The following MAGI2 variants were observed in gnomAD, a reference collection of about 807,000 sequenced individuals.
MAGI2 encodes the protein membrane-associated guanylate kinase, WW and PDZ domain-containing protein 2.
In MAGI2, 35 loss-of-function variants were observed where a neutral mutation model predicts 133.3. The ratio of observed to expected loss-of-function variants is 0.26; its 90% CI spans 0.20 to 0.35. The LOEUF (loss-of-function observed/expected upper bound fraction) is 0.35. MAGI2 is among the 10% of genes least tolerant of loss of function. MAGI2 has a pLI of 1.00. For missense variants in MAGI2, 1,636 were observed against 1,863.4 expected (o/e 0.88, Z 2.25); for synonymous variants, 729 against 710.6 (o/e 1.03, Z -0.41).
At chr7:78,140,302 T>G (rs889640612) in intron 16 of MAGI2, among the ~76,000 whole-genome samples, 1 of 152,226 alleles carries the variant, frequency 6.6e-6, no homozygotes, top group African/African-American at 2.4e-5. Context: ...TCATTATTTG[T>G]CTTGCTATTT....
intron 2 of MAGI2, among the ~76,000 whole-genome samples, chr7:78,998,413 C>G (rs1353104304): frequency 6.6e-6 from 1 of 152,020 alleles, no homozygotes; most frequent in African/African-American, 2.4e-5. Flanking sequence ...CATTTTACTC[C>G]CCCCTCCCTC....
intron 10 of MAGI2, among the ~76,000 whole-genome samples, chr7:78,229,529 A>C (rs1019017527): frequency 6.6e-6 from 1 of 152,172 alleles, no homozygotes; most frequent in African/African-American, 2.4e-5. Flanking sequence ...GGCGAGCTTC[A>C]CGTCAAAAAG....
chr7:79,125,701 G>A, intron 1 of MAGI2: 1 of 528,058 alleles, frequency 1.9e-6, no homozygotes, highest in Non-Finnish European at 3.7e-6. Flanking sequence ...GGAAACTTTG[G>A]AGGCAGAAGC....
intron 6 of MAGI2, among the ~76,000 whole-genome samples, chr7:78,450,404 T>C (rs1269753736): frequency 2.6e-5 from 4 of 152,088 alleles, no homozygotes; most frequent in Admixed American, 6.6e-5. Flanking sequence ...GTTATTCATA[T>C]CTTGAAATTG....
At chr7:79,185,253 G>A (rs1278828599) in intron 1 of MAGI2, among the ~76,000 whole-genome samples, 1 of 151,834 alleles carries the variant, frequency 6.6e-6, no homozygotes, top group Non-Finnish European at 1.5e-5. Context: ...TCTTTCTAGG[G>A]AAATGAAATG....
At chr7:78,170,448 T>C (rs1826006844) in intron 14 of MAGI2, 1 of 152,262 alleles carries the variant, frequency 6.6e-6, no homozygotes, top group South Asian at 2.1e-4. Context: ...AGTACTCCCC[T>C]CATTAATTCA....
chr7:79,007,433 A>G, intron 1 of MAGI2, among the ~76,000 whole-genome samples: 1 of 152,112 alleles, frequency 6.6e-6, no homozygotes, highest in Non-Finnish European at 1.5e-5. Context: ...GTATTCCTAA[A>G]TTTATCCTTC....
chr7:79,203,849 T>G (rs1828819117), intron 1 of MAGI2, among the ~76,000 whole-genome samples: 1 of 152,046 alleles, frequency 6.6e-6, no homozygotes, highest in Admixed American at 6.5e-5. Flanking sequence ...GGAAGGGCAG[T>G]GCAAGGCCTC....
At chr7:78,970,783 A>C (rs572605212) in intron 2 of MAGI2, among the ~76,000 whole-genome samples, 6 of 152,212 alleles carry the variant, frequency 3.9e-5, no homozygotes, top group African/African-American at 1.4e-4. Context: ...AATGGTTAGC[A>C]AAGGATATAA....
intron 2 of MAGI2, among the ~76,000 whole-genome samples, chr7:78,988,229 C>T (rs1421133056): frequency 6.6e-6 from 1 of 151,972 alleles, no homozygotes; most frequent in East Asian, 1.9e-4. Flanking sequence ...TGGCCCCAGC[C>T]CAACTACAAA....
chr7:78,945,797 C>T (rs1584469457), intron 2 of MAGI2, among the ~76,000 whole-genome samples: 1 of 152,152 alleles, frequency 6.6e-6, no homozygotes, highest in Non-Finnish European at 1.5e-5. Flanking sequence ...ACACAGGATA[C>T]CTACTCCTTG....
intron 20 of MAGI2, among the ~76,000 whole-genome samples, chr7:78,118,592 A>G (rs1003841746): frequency 6.6e-6 from 1 of 152,264 alleles, no homozygotes; most frequent in African/African-American, 2.4e-5. Context: ...AGATTAGCAT[A>G]TGAAAAGATG....
intron 13 of MAGI2, among the ~76,000 whole-genome samples, chr7:78,180,567 G>A (rs1827092384): frequency 6.6e-6 from 1 of 152,150 alleles, no homozygotes; most frequent in African/African-American, 2.4e-5. Context: ...GAAGAACAGA[G>A]ACACGAATAA....
chr7:78,020,641 A>G (rs1171791081), intron 21 of MAGI2, among the ~76,000 whole-genome samples: 1 of 152,134 alleles, frequency 6.6e-6, no homozygotes, highest in East Asian at 1.9e-4. Flanking sequence ...GTTGGGTCAC[A>G]TTCAAAGCTG....
At chr7:78,968,400 T>C (rs2115922815) in intron 2 of MAGI2, among the ~76,000 whole-genome samples, 1 of 151,934 alleles carries the variant, frequency 6.6e-6, no homozygotes, top group African/African-American at 2.4e-5. Flanking sequence ...TTCCATTTAT[T>C]TATGTCTTCT....
intron 2 of MAGI2, among the ~76,000 whole-genome samples, chr7:78,648,772 C>T (rs561015473): frequency 3.7e-4 from 56 of 152,164 alleles, no homozygotes; most frequent in Middle Eastern, 3.4e-3. Flanking sequence ...TAATAGACTT[C>T]CAATTAATTC....
chr7:78,069,717 T>G (rs1174087560), intron 21 of MAGI2, among the ~76,000 whole-genome samples: 1 of 152,174 alleles, frequency 6.6e-6, no homozygotes, highest in Non-Finnish European at 1.5e-5. Context: ...AAAAATTTTC[T>G]TGAATTGGTG....
chr7:79,271,854 T>G (rs1288416846), intron 1 of MAGI2, among the ~76,000 whole-genome samples: 1 of 152,082 alleles, frequency 6.6e-6, no homozygotes, highest in African/African-American at 2.4e-5. Context: ...AAAAAAACAC[T>G]GATGGCTGCC....
At chr7:78,735,190 A>G (rs535880750) in intron 2 of MAGI2, among the ~76,000 whole-genome samples, 27 of 152,248 alleles carry the variant, frequency 1.8e-4, no homozygotes, top group African/African-American at 6.3e-4. Context: ...GATATTTTTA[A>G]TATGGTAGAA....
Sources: allele counts gnomAD v4.1 joint callset (sites outside exome capture counted in the v4.1 genomes callset), GRCh38; gene constraint gnomAD v4.1.1; transcripts MANE v1.5; gene names NCBI Gene and HGNC (gene_info 2026-07-23, HGNC 2026-07-21).